ADAD2: variants seen among roughly 807,000 people sequenced by gnomAD.
ADAD2 encodes the protein adenosine deaminase domain-containing protein 2.
ADAD2 carries 60 observed loss-of-function variants against 54.5 expected under a neutral mutation model. The observed-to-expected ratio is 1.10, with a 90% confidence interval of 0.89 to 1.36. The LOEUF is 1.36. Among genes scored for constraint, ADAD2 ranks in the 40% most tolerant of loss-of-function variants. ADAD2 has a pLI of 0.00. For synonymous variants in ADAD2, 543 were observed against 366.2 expected (o/e 1.48, Z -5.51); for missense variants, 1,103 against 801.3 (o/e 1.38, Z -4.54).
At chr16:84,193,917 C>A in intron 1 of ADAD2, 1 of 1,320,554 alleles carries the variant, frequency 7.6e-7, no homozygotes, top group Non-Finnish European at 1.0e-6. Context: ...TGAAATTAAC[C>A]CTGCACCTTT....
In ADAD2 at chr16:84,194,728, G is replaced by A. The variant is rs1393674110; in HGVS notation, c.559+146G>A. The A allele has an allele frequency of 8.5e-6, 12 of 1,413,838 alleles. No individual in the cohort carries two copies. The South Asian group carries it at 1.5e-4, about 18-fold the overall frequency. 87.6% of individuals were successfully genotyped at this position (1,413,838 alleles called of 1,614,324 possible). A position where few individuals can be genotyped will look rare whatever the true frequency, so the allele number is the denominator to read the frequency against. ...CCATCTGAGCATCAGGACGTCACCT[G>A]CAGGGAGCTGGGGCGGGGTACATGT... On this transcript the variant is annotated intron_variant, in intron 2 of 9. Coordinates refer to ENST00000315906, the MANE Select transcript of ADAD2 (RefSeq NM_001145400.2).
In ADAD2 at chr16:84,196,351, A is replaced by C. The variant is rs759844451; in HGVS notation, c.1507A>C (p.Thr503Pro). The change falls in exon 8 of 10, where the codon ACC becomes CCC. Residue 503 changes from threonine to proline, a missense_variant. Thr to Pro is a conservative substitution (Grantham distance 38, BLOSUM62 -1). Transcript: ENST00000315906. ...DPGIEVVDVA[T>P]GRVKANAALG... The stretch of plus-strand genomic sequence containing the variant: ...TGGCATCGAGGTTGTGGATGTGGCC[A>C]CCGGGCGTGTGAAGGCCAAGTGAGA... 6.8e-6 allele frequency: 11 copies of C among 1,612,172 alleles called. No individual in the cohort carries two copies. In the South Asian group the frequency reaches 1.2e-4, roughly 18 times the overall value.
In ADAD2 at chr16:84,194,865, T is replaced by C. The variant is rs2089705637; in HGVS notation, c.560-68T>C. 11 of 1,520,788 alleles carry C rather than the reference T, an allele frequency of 7.2e-6. No homozygotes were observed. The African/African-American group carries it at 1.4e-4, about 19-fold the overall frequency. 94.2% of individuals were successfully genotyped at this position (1,520,788 alleles called of 1,614,324 possible). A position where few individuals can be genotyped will look rare whatever the true frequency, so the allele number is the denominator to read the frequency against. ...ATGAAAACTTCCTCTCCCCGCCTCC[T>C]TGGCTTCCTGAGGGACGGAGGGTGG... On this transcript the variant is annotated intron_variant, in intron 2 of 9. Transcript: ENST00000315906.
At chr16:84,191,926 C>G (rs553445241) in intron 1 of ADAD2, 1 of 565,134 alleles carries the variant, frequency 1.8e-6, no homozygotes, top group Non-Finnish European at 3.2e-6. Flanking sequence ...TTAAGGCCCC[C>G]TGGTATTTCT....
chr16:84,195,269 G>C (rs766604698), intron 4 of ADAD2, 27 bp from the exon 5 acceptor site: 2 of 1,611,926 alleles, frequency 1.2e-6, no homozygotes, highest in East Asian at 4.5e-5. Flanking sequence ...GCCTTAGGCT[G>C]GGCCGTCTCT....
intron 3 of ADAD2, 44 bp downstream of exon 3, chr16:84,195,024 G>C: frequency 6.2e-7 from 1 of 1,612,680 alleles, no homozygotes; most frequent in Non-Finnish European, 8.5e-7. Flanking sequence ...GTCGAGGGGA[G>C]AGGCGTGGGC....
intron 1 of ADAD2, chr16:84,193,903 A>G: frequency 2.5e-6 from 3 of 1,216,010 alleles, no homozygotes; most frequent in Non-Finnish European, 3.5e-6. Flanking sequence ...AGCAGCAAGT[A>G]CTGTGAAATT....
intron 1 of ADAD2, 122 bp downstream of exon 1, chr16:84,191,770 C>T: frequency 7.1e-7 from 1 of 1,416,238 alleles, no homozygotes; most frequent in Non-Finnish European, 9.6e-7. Flanking sequence ...AGAGACACCG[C>T]CGGAGCAGGA....
chr16:84,191,784 G>C (rs967402534), intron 1 of ADAD2, 136 bp downstream of exon 1: 7 of 1,353,622 alleles, frequency 5.2e-6, no homozygotes, highest in Non-Finnish European at 6.1e-6. Flanking sequence ...AGCAGGACCT[G>C]GCCTGAGCTT....
At position 84,196,631 on chromosome 16, in the gene ADAD2, T is replaced by C; in HGVS notation, c.1527-16T>C. 4 of 1,611,856 alleles carry C rather than the reference T, an allele frequency of 2.5e-6. No individual in the cohort carries two copies. The highest frequency in any genetic ancestry group is 3.4e-6 in the Non-Finnish European group (4 of 1,179,134). ...TTGTATCTCTCTGATCTCAGTGGTA[T>C]CCTCTCTTCATCCAGTGCCGCCCTG... On this transcript the variant is annotated splice_polypyrimidine_tract_variant and intron_variant, in intron 8 of 9. Transcript: ENST00000315906.
rs772470445 is a variant in ADAD2 at position 84,195,564 on chromosome 16, G to A, written c.919G>A (p.Gly307Arg). ...LFRQLLLATQ[G>R]GPKGKEQSVL... is the part of the protein sequence containing the mutation. ...CCGGCAGCTCCTGCTGGCCACACAG[G>A]GGGGCCCCAAGGGCAAGGAGCAGTC... Residue 307 changes from glycine (G) to arginine (R), a missense_variant, in exon 6 of 10, where the codon GGG becomes AGG. By Grantham distance (125) the Gly-to-Arg change is moderately radical (BLOSUM62 -2). Coordinates refer to ENST00000315906, the MANE Select transcript of ADAD2 (RefSeq NM_001145400.2). The A allele has an allele frequency of 4.4e-6, 7 of 1,600,630 alleles. No individual in the cohort carries two copies. The highest frequency in any genetic ancestry group is 6.0e-6 in the Non-Finnish European group (7 of 1,173,674).
At position 84,191,702 on chromosome 16, in the gene ADAD2, G is replaced by C. The variant is rs1363439010; in HGVS notation, c.418+54G>C. 4.5e-6 allele frequency: 7 copies of C among 1,542,412 alleles called. No homozygotes were observed. The East Asian group carries it at 1.5e-4, about 32-fold the overall frequency. ...CAGAGGGCAGAGCCACGGAGGGCTG[G>C]GTCCCAGGACGTGGGGAGCAGGGGG... On this transcript the variant is annotated intron_variant, in intron 1 of 9. Transcript: ENST00000315906.
chr16:84,195,942 C>T lies in ADAD2; in HGVS notation c.1180C>T (p.Leu394=), dbSNP rs772524339. Residue 394 remains leucine (L), a synonymous_variant, in exon 7 of 10, where the codon CTG becomes TTG. Transcript: ENST00000315906. ...GCTCTGTGACACCCACGTGGGCTGC[C>T]TGTCAGCCAGTGACAAGCTGGCACG... The part of the protein sequence containing the change: ...PSLCDTHVGC[L]SASDKLARWA... 25 of 1,599,520 alleles carry T rather than the reference C, an allele frequency of 1.6e-5. No individual in the cohort carries two copies. The highest frequency in any genetic ancestry group is 2.1e-5 in the Non-Finnish European group (25 of 1,179,656).
At chr16:84,194,253 C>T (rs1420305116) in intron 1 of ADAD2, 189 bp from the exon 2 acceptor site, 2 of 1,553,914 alleles carry the variant, frequency 1.3e-6, no homozygotes, top group South Asian at 1.2e-5. Context: ...CGATGGGTCA[C>T]AGCCTGCAGA....
At chr16:84,193,912 T>C in intron 1 of ADAD2, 1 of 1,302,866 alleles carries the variant, frequency 7.7e-7, no homozygotes. Flanking sequence ...TACTGTGAAA[T>C]TAACCCTGCA....
chr16:84,191,619 T>A lies in ADAD2; in HGVS notation c.389T>A (p.Phe130Tyr). The A allele has an allele frequency of 6.4e-7, 1 of 1,554,880 alleles. No individual in the cohort carries two copies. The highest frequency in any genetic ancestry group is 8.7e-7 in the Non-Finnish European group (1 of 1,149,524). Residue 130 changes from phenylalanine (F) to tyrosine (Y), a missense_variant, in exon 1 of 10, where the codon TTC becomes TAC. Transcript: ENST00000315906. ...GAGTACGCGGCCAGCCTGGGCATCT[T>A]CCTGCTCTTCCGGGAGGACCAGCCA... ...LTEYAASLGI[F>Y]LLFREDQPPG...
rs780089484 is a variant in ADAD2 at position 84,196,907 on chromosome 16, T to C, written c.1685T>C (p.Leu562Pro). 7 of 1,599,660 alleles carry C rather than the reference T, an allele frequency of 4.4e-6. No individual in the cohort carries two copies. The Admixed American group carries it at 1.2e-4, about 28-fold the overall frequency. ...PYQEARRQLS[L>P]LLDQQGLGAW... ...CAGGAGGCTCGCAGGCAGCTGTCTC[T>C]CCTCCTGGACCAGCAGGGCCTGGGG... Residue 562 changes from leucine to proline, a missense_variant, in exon 10 of 10, where the codon CTC becomes CCC. Physicochemically the swap from Leu to Pro is moderately conservative, Grantham distance 98. Coordinates refer to ENST00000315906, the MANE Select transcript of ADAD2 (RefSeq NM_001145400.2).
rs1488740864 is a variant in ADAD2, at chr16:84,197,097, A to C, written c.*123A>C. On this transcript the variant is annotated 3_prime_UTR_variant, in exon 10 of 10. Transcript: ENST00000315906. ...CGGGGTGAAACTGGGGCTGGAGGGA[A>C]GGAGGAGCCTGCTGTGGTTGGGAGG... 2.7e-5 allele frequency: 26 copies of C among 977,316 alleles called. No homozygotes were observed. The highest frequency in any genetic ancestry group is 3.9e-5 in the Non-Finnish European group (26 of 658,242). 60.5% of individuals were successfully genotyped at this position (977,316 alleles called of 1,614,324 possible). A position where few individuals can be genotyped will look rare whatever the true frequency, so the allele number is the denominator to read the frequency against.
At chr16:84,194,850 C>T (rs191082725) in intron 2 of ADAD2, 83 bp from the exon 3 acceptor site, 7 of 1,448,142 alleles carry the variant, frequency 4.8e-6, no homozygotes, top group African/African-American at 1.4e-5. Context: ...ATGAAAACTT[C>T]CTCTCCCCGC....
Sources: gnomAD v4.1 joint callset for allele counts on GRCh38, gnomAD v4.1.1 for gene constraint, MANE v1.5 for transcripts, NCBI Gene and HGNC (gene_info 2026-07-23, HGNC 2026-07-21) for gene names.